Variants in POLGARF observed in about 807,000 individuals in gnomAD.
The protein encoded by POLGARF is POLG alternative reading frame.
the POLGARF span, chr15:89,333,329 C>G: frequency 6.4e-7 from 1 of 1,560,078 alleles, no homozygotes; most frequent in Non-Finnish European, 8.7e-7. Context: ...GCTTCTGGGC[C>G]AGGAGGCGGA....
chr15:89,330,211 G>A, the POLGARF span: 2 of 1,613,508 alleles, frequency 1.2e-6, no homozygotes, highest in Middle Eastern at 1.7e-4. Context: ...GATGAGGTCA[G>A]CCGGCGACAG....
chr15:89,330,848 T>G, the POLGARF span, among the ~76,000 whole-genome samples: 1 of 148,274 alleles, frequency 6.7e-6, no homozygotes. Context: ...GCAACCACCC[T>G]CAGTGAGAAC....
the POLGARF span, chr15:89,333,535 A>T: frequency 1.2e-6 from 2 of 1,612,776 alleles, no homozygotes; most frequent in East Asian, 2.2e-5. Flanking sequence ...TGGATGTCCA[A>T]TGGGTTGTGC....
At chr15:89,333,579 GGCTGCTGAGGCT>G in the POLGARF span, 1 of 1,608,170 alleles carries the variant, frequency 6.2e-7, no homozygotes, top group African/African-American at 1.3e-5. Flanking sequence ...TAGCACTTGC[GGCTGCTGAGGCT>G]GCTGTTGCTG....
chr15:89,333,005 C>A, the POLGARF span: 600,088 of 1,471,386 alleles, frequency 0.41, 125,614 homozygotes, highest in African/African-American at 0.65. Context: ...AGCACCCAGC[C>A]CGTAACAGGA....
chr15:89,333,629 C>T, the POLGARF span: 1 of 1,594,512 alleles, frequency 6.3e-7, no homozygotes, highest in Admixed American at 1.7e-5. Context: ...GCTGCTGCTG[C>T]CGCCGCCGCT....
At chr15:89,333,750 C>T in the POLGARF span, 1 of 1,535,274 alleles carries the variant, frequency 6.5e-7, no homozygotes, top group South Asian at 1.2e-5. Context: ...GAGCAGGCGG[C>T]TCATGGTTGG....
chr15:89,333,160 C>G, the POLGARF span: 1 of 1,547,984 alleles, frequency 6.5e-7, no homozygotes, highest in African/African-American at 1.4e-5. Flanking sequence ...CAGACCTCCA[C>G]GTCGAACACC....
chr15:89,330,355 G>T, the POLGARF span: 1 of 1,096,024 alleles, frequency 9.1e-7, no homozygotes, highest in Non-Finnish European at 1.3e-6. Flanking sequence ...CACACCTACC[G>T]CCACATGCCA....
chr15:89,330,378 G>A, the POLGARF span: 2 of 920,720 alleles, frequency 2.2e-6, no homozygotes, highest in South Asian at 2.8e-5. Flanking sequence ...TGGTGCATTG[G>A]CAGCTGGGGA....
At chr15:89,333,593 C>CTGT in the POLGARF span, 33 of 1,602,936 alleles carry the variant, frequency 2.1e-5, no homozygotes, top group Middle Eastern at 5.0e-4. Flanking sequence ...GCTGAGGCTG[C>CTGT]TGTTGCTGCT....
the POLGARF span, among the ~76,000 whole-genome samples, chr15:89,331,134 C>T: frequency 8.3e-6 from 1 of 121,212 alleles, no homozygotes; most frequent in South Asian, 2.4e-4. Flanking sequence ...TCCTTGCAAC[C>T]TTTATGGAAG....
the POLGARF span, among the ~76,000 whole-genome samples, chr15:89,331,931 A>G: frequency 1.3e-5 from 2 of 152,206 alleles, no homozygotes; most frequent in African/African-American, 4.8e-5. Flanking sequence ...CAGGGAGGGA[A>G]AGGAGAGGTA....
At chr15:89,331,932 A>G in the POLGARF span, among the ~76,000 whole-genome samples, 2 of 152,208 alleles carry the variant, frequency 1.3e-5, no homozygotes, top group Admixed American at 1.3e-4. Flanking sequence ...AGGGAGGGAA[A>G]GGAGAGGTAA....
At chr15:89,333,015 A>G in the POLGARF span, 1 of 1,485,232 alleles carries the variant, frequency 6.7e-7, no homozygotes, top group Non-Finnish European at 8.9e-7. Context: ...CCGTAACAGG[A>G]CCTCAGAAAA....
chr15:89,331,002 T>G, the POLGARF span, among the ~76,000 whole-genome samples: 4 of 152,130 alleles, frequency 2.6e-5, no homozygotes, highest in Admixed American at 6.5e-5. Context: ...AGGCTAGGTG[T>G]AGGGGAATGG....
At chr15:89,330,949 G>A in the POLGARF span, among the ~76,000 whole-genome samples, 5 of 152,168 alleles carry the variant, frequency 3.3e-5, no homozygotes, top group Admixed American at 1.3e-4. Context: ...TTGGGGGCCC[G>A]ACACTGATTC....
the POLGARF span, among the ~76,000 whole-genome samples, chr15:89,332,608 GGGGGC>G: frequency 6.7e-6 from 1 of 150,134 alleles, no homozygotes; most frequent in Non-Finnish European, 1.5e-5. Context: ...GCGGGGGCAG[GGGGGC>G]GGGGGGGTGT....
the POLGARF span, chr15:89,333,217 G>A: frequency 6.3e-7 from 1 of 1,578,510 alleles, no homozygotes; most frequent in African/African-American, 1.3e-5. Context: ...TCCCCCTCGG[G>A]GCCGTACCGG....
Sources: gnomAD v4.1 joint callset for allele counts (sites outside exome capture counted in the v4.1 genomes callset) on GRCh38, gnomAD v4.1.1 for gene constraint, MANE v1.5 for transcripts, NCBI Gene and HGNC (gene_info 2026-07-23, HGNC 2026-07-21) for gene names.